IGF2R: variants seen among roughly 807,000 people sequenced by gnomAD.
IGF2R encodes the protein insulin like growth factor 2 receptor.
IGF2R carries 91 observed loss-of-function variants against 270.6 expected under a neutral mutation model. The ratio of observed to expected loss-of-function variants is 0.34; its 90% CI spans 0.28 to 0.40. The LOEUF (loss-of-function observed/expected upper bound fraction) is 0.40, where lower values mean the gene tolerates loss of function less well. Ranked by LOEUF, IGF2R falls within the 10% of genes least tolerant of loss-of-function variation. The probability of loss-of-function intolerance (pLI) is 1.00; values close to 1 mark genes in which losing one functional copy is unlikely to be tolerated. For missense variants in IGF2R, 2,805 were observed against 3,188.3 expected (o/e 0.88, Z 2.90); for synonymous variants, 1,316 against 1,258.9 (o/e 1.05, Z -0.96).
chr6:160,100,594 G>A (rs1779460521), intron 45 of IGF2R, among the ~76,000 whole-genome samples: 1 of 152,084 alleles, frequency 6.6e-6, no homozygotes, highest in South Asian at 2.1e-4. Context: ...ACAGTGAAAA[G>A]CAAGATTTAA....
intron 4 of IGF2R, among the ~76,000 whole-genome samples, chr6:160,011,738 T>C (rs1784338831): frequency 6.6e-6 from 1 of 152,094 alleles, no homozygotes; most frequent in South Asian, 2.1e-4. Context: ...TGCTACTTGA[T>C]TCTCCCTGGT....
intron 10 of IGF2R, among the ~76,000 whole-genome samples, chr6:160,040,131 C>T (rs1478500946): frequency 2.0e-5 from 3 of 152,170 alleles, no homozygotes; most frequent in African/African-American, 7.2e-5. Context: ...ATCACTAAGT[C>T]AGCAGTGCAC....
intron 4 of IGF2R, among the ~76,000 whole-genome samples, chr6:160,017,399 T>C (rs967918434): frequency 1.3e-5 from 2 of 152,200 alleles, no homozygotes; most frequent in Admixed American, 6.5e-5. Flanking sequence ...AGCATAGATA[T>C]TACTAAGGGA....
At chr6:160,022,818 C>T (rs960545502) in intron 4 of IGF2R, among the ~76,000 whole-genome samples, 7 of 152,102 alleles carry the variant, frequency 4.6e-5, no homozygotes, top group Admixed American at 2.0e-4. Flanking sequence ...CAGAAGAGGC[C>T]TTACTAAGGG....
intron 4 of IGF2R, among the ~76,000 whole-genome samples, chr6:160,021,559 G>T (rs559129207): frequency 1.3e-4 from 20 of 150,246 alleles, no homozygotes; most frequent in Non-Finnish European, 1.9e-4. Context: ...AAACCTGCAC[G>T]TTGTGCACAT....
chr6:160,011,573 G>T (rs1255182770), intron 4 of IGF2R, among the ~76,000 whole-genome samples: 2 of 130,230 alleles, frequency 1.5e-5, no homozygotes, highest in Admixed American at 8.2e-5. Flanking sequence ...TTTTTTGTGA[G>T]GACTCTTAAA....
At chr6:160,003,724 T>C (rs905647418) in intron 2 of IGF2R, 2 of 152,188 alleles carry the variant, frequency 1.3e-5, no homozygotes, top group Admixed American at 6.5e-5. Flanking sequence ...CAGGCAAGAA[T>C]CTCTTTTTTT....
At chr6:160,073,595 T>G in intron 34 of IGF2R, 126 bp downstream of exon 34, 1 of 1,211,496 alleles carries the variant, frequency 8.3e-7, no homozygotes, top group Non-Finnish European at 1.2e-6. Context: ...ATCACCCCAA[T>G]AATAAAGTTG....
At chr6:160,100,954 G>C (rs1013948266) in intron 45 of IGF2R, among the ~76,000 whole-genome samples, 1 of 149,914 alleles carries the variant, frequency 6.7e-6, no homozygotes, top group Non-Finnish European at 1.5e-5. Context: ...CTACCTCCTG[G>C]CTAATTTTTG....
chr6:160,101,309 T>C (rs1418550601), intron 45 of IGF2R, among the ~76,000 whole-genome samples: 2 of 152,154 alleles, frequency 1.3e-5, no homozygotes, highest in Non-Finnish European at 2.9e-5. Flanking sequence ...TGGTCCTGAG[T>C]GGCTGGAGCT....
chr6:160,014,227 G>A (rs533654296), intron 4 of IGF2R, among the ~76,000 whole-genome samples: 93 of 152,178 alleles, frequency 6.1e-4, no homozygotes, highest in Non-Finnish European at 1.1e-3. Context: ...TGGCCTGCTA[G>A]CAGTCTTACC....
intron 28 of IGF2R, 123 bp from the exon 29 acceptor site, chr6:160,064,681 T>C: frequency 9.0e-7 from 1 of 1,107,996 alleles, no homozygotes; most frequent in South Asian, 1.4e-5. Context: ...GTTGAAACTT[T>C]CATCAGTTAG....
At chr6:159,990,855 C>A (rs1783967255) in intron 1 of IGF2R, among the ~76,000 whole-genome samples, 1 of 152,116 alleles carries the variant, frequency 6.6e-6, no homozygotes, top group Non-Finnish European at 1.5e-5. Context: ...GTCTTGAACG[C>A]CTGACCTCGT....
At chr6:160,037,037 G>A (rs555184589) in intron 10 of IGF2R, among the ~76,000 whole-genome samples, 1 of 152,314 alleles carries the variant, frequency 6.6e-6, no homozygotes, top group South Asian at 2.1e-4. Flanking sequence ...CACTCTGACA[G>A]CCATTGATGT....
At chr6:160,086,619 A>G (rs1000184417) in intron 41 of IGF2R, among the ~76,000 whole-genome samples, 1 of 152,212 alleles carries the variant, frequency 6.6e-6, no homozygotes, top group African/African-American at 2.4e-5. Context: ...GTTTGATCCC[A>G]TATGCCAGAA....
At chr6:160,068,590 TG>T (rs1488310256) in intron 30 of IGF2R, among the ~76,000 whole-genome samples, 1 of 149,962 alleles carries the variant, frequency 6.7e-6, no homozygotes, top group African/African-American at 2.5e-5. Flanking sequence ...CCTCGTGGGG[TG>T]GTGGTTGTAG....
intron 1 of IGF2R, among the ~76,000 whole-genome samples, chr6:159,982,442 C>G (rs1341667807): frequency 3.3e-5 from 5 of 152,206 alleles, no homozygotes; most frequent in Non-Finnish European, 7.3e-5. Flanking sequence ...TTCACATTCT[C>G]TTTGTCTCCA....
At chr6:159,986,683 A>T (rs9295118) in intron 1 of IGF2R, among the ~76,000 whole-genome samples, 16,277 of 151,884 alleles carry the variant, frequency 0.11, 1,029 homozygotes, top group South Asian at 0.14. Context: ...TTTGTTGCTA[A>T]CATTTAACAT....
At chr6:160,028,014 C>T (rs892536126) in intron 6 of IGF2R, among the ~76,000 whole-genome samples, 5 of 152,130 alleles carry the variant, frequency 3.3e-5, no homozygotes, top group African/African-American at 4.8e-5. Context: ...AAAACTTGAG[C>T]GTAACCTGAG....
Sources: allele counts gnomAD v4.1 joint callset (sites outside exome capture counted in the v4.1 genomes callset), GRCh38; gene constraint gnomAD v4.1.1; transcripts MANE v1.5; gene names NCBI Gene and HGNC (gene_info 2026-07-23, HGNC 2026-07-21).